Variants in MYO3A observed in about 807,000 individuals in gnomAD.
MYO3A encodes the protein myosin-IIIa.
A neutral mutation model predicts 192.7 loss-of-function variants in MYO3A; 180 were observed. That is an observed-to-expected ratio of 0.93 (90% CI 0.83 to 1.06). MYO3A has a LOEUF of 1.06. MYO3A is among the 50% of genes least tolerant of loss of function. MYO3A has a pLI of 0.00. For missense variants in MYO3A, 1,896 were observed against 1,905.0 expected, an observed-to-expected ratio of 1.00 and a Z score of 0.09; for synonymous variants, 628 against 645.3, an observed-to-expected ratio of 0.97 and a Z score of 0.41.
At chr10:26,018,125 G>A (rs11014910) in intron 7 of MYO3A, among the ~76,000 whole-genome samples, 15,359 of 151,704 alleles carry the variant, frequency 0.1, 1,425 homozygotes, top group African/African-American at 0.24. Context: ...TTAATATGCA[G>A]TTACTAGACA....
intron 9 of MYO3A, among the ~76,000 whole-genome samples, chr10:26,024,514 G>T (rs1421483384): frequency 6.6e-6 from 1 of 152,120 alleles, no homozygotes; most frequent in East Asian, 1.9e-4. Context: ...TCATCATGTT[G>T]TTAGCTGGTT....
At chr10:26,189,438 C>G (rs1303013463) in intron 31 of MYO3A, among the ~76,000 whole-genome samples, 1 of 152,138 alleles carries the variant, frequency 6.6e-6, no homozygotes, top group Non-Finnish European at 1.5e-5. Context: ...AAAGAGAGAT[C>G]ACTGGGGAGT....
intron 10 of MYO3A, among the ~76,000 whole-genome samples, chr10:26,040,696 G>A (rs976147790): frequency 2.0e-5 from 3 of 152,056 alleles, no homozygotes; most frequent in Non-Finnish European, 1.5e-5. Flanking sequence ...ATGTGTTTGT[G>A]TAGTTTCCAA....
intron 31 of MYO3A, among the ~76,000 whole-genome samples, chr10:26,187,103 A>G (rs1589102760): frequency 6.6e-6 from 1 of 152,188 alleles, no homozygotes; most frequent in East Asian, 1.9e-4. Flanking sequence ...TTAGCACTAC[A>G]TCTCTAAGCT....
intron 2 of MYO3A, among the ~76,000 whole-genome samples, chr10:25,951,272 A>C (rs1296515794): frequency 6.6e-6 from 1 of 152,184 alleles, no homozygotes; most frequent in Non-Finnish European, 1.5e-5. Context: ...TTAATTAATC[A>C]GTCAATCATT....
rs1840421132 is a variant in MYO3A at position 26,145,689 on chromosome 10, G to A, written c.2505+155G>A. ...ACTGGCCCTAATTATGCCCTCTGATGTCCTGTAATCCATCCTGTCCTTTGC... is the reference window on the plus strand; with the variant it reads ...ACTGGCCCTAATTATGCCCTCTGATATCCTGTAATCCATCCTGTCCTTTGC... On this transcript the variant is annotated intron_variant, in intron 22 of 34. Coordinates refer to ENST00000642920, the MANE Select transcript of MYO3A (RefSeq NM_017433.5). Among the ~76,000 whole-genome samples the A allele has an allele frequency of 2.0e-5, 3 of 152,218 alleles. No homozygotes were observed. In the South Asian group the frequency reaches 6.2e-4, roughly 32 times the overall value.
chr10:25,983,401 G>A (rs984731031), intron 4 of MYO3A, among the ~76,000 whole-genome samples: 11 of 151,744 alleles, frequency 7.2e-5, no homozygotes, highest in Admixed American at 2.6e-4. Flanking sequence ...GACTACAGGC[G>A]CCCGCCACCA....
At chr10:26,025,279 A>G (rs1050325176) in intron 9 of MYO3A, among the ~76,000 whole-genome samples, 4 of 152,058 alleles carry the variant, frequency 2.6e-5, no homozygotes, top group Non-Finnish European at 5.9e-5. Context: ...CCGATTAGAA[A>G]TGGCGCTACT....
intron 14 of MYO3A, among the ~76,000 whole-genome samples, chr10:26,073,125 G>A (rs189429063): frequency 1.4e-4 from 22 of 152,266 alleles, no homozygotes; most frequent in African/African-American, 5.1e-4. Context: ...TTGGGAAGCT[G>A]AAGTGGAAGG....
chr10:25,936,633 A>C (rs1403194220), intron 2 of MYO3A, among the ~76,000 whole-genome samples: 1 of 152,148 alleles, frequency 6.6e-6, no homozygotes, highest in East Asian at 1.9e-4. Context: ...ATCCCTTACT[A>C]CTTTGGCGAC....
chr10:26,130,376 T>C (rs1443778966), intron 20 of MYO3A, among the ~76,000 whole-genome samples: 1 of 152,174 alleles, frequency 6.6e-6, no homozygotes, highest in Non-Finnish European at 1.5e-5. Flanking sequence ...CTCCCAAAGT[T>C]CTGTGATTAC....
At chr10:26,145,337 A>G in intron 21 of MYO3A, 109 bp from the exon 22 acceptor site, 1 of 745,064 alleles carries the variant, frequency 1.3e-6, no homozygotes, top group Non-Finnish European at 2.4e-6. Context: ...TAGCTATGTA[A>G]AATTTTCTTT....
chr10:26,071,230 G>C (rs1254697049), intron 14 of MYO3A, among the ~76,000 whole-genome samples: 2 of 152,014 alleles, frequency 1.3e-5, no homozygotes, highest in Admixed American at 6.6e-5. Context: ...AAATAGTGAG[G>C]CTACTCATAT....
chr10:26,011,220 C>T (rs12780731), intron 6 of MYO3A, among the ~76,000 whole-genome samples: 14,345 of 152,014 alleles, frequency 0.094, 853 homozygotes, highest in Middle Eastern at 0.21. Flanking sequence ...CTTGAGCCAA[C>T]GAGTTCAAGA....
intron 26 of MYO3A, among the ~76,000 whole-genome samples, chr10:26,159,149 C>A (rs1290280304): frequency 6.6e-6 from 1 of 151,600 alleles, no homozygotes; most frequent in East Asian, 1.9e-4. Flanking sequence ...CGCCACCACG[C>A]CCGGCTAATT....
chr10:26,060,152 G>A (rs1465555619), intron 10 of MYO3A, among the ~76,000 whole-genome samples: 1 of 152,152 alleles, frequency 6.6e-6, no homozygotes, highest in African/African-American at 2.4e-5. Flanking sequence ...CCAGCTACTT[G>A]GGAGGCTGAG....
intron 4 of MYO3A, among the ~76,000 whole-genome samples, chr10:25,973,852 A>G (rs1838809854): frequency 6.6e-6 from 1 of 152,194 alleles, no homozygotes; most frequent in Non-Finnish European, 1.5e-5. Flanking sequence ...AGGATTCCCT[A>G]TTTAATAAAT....
chr10:26,073,129 T>C (rs2131404346), intron 14 of MYO3A, among the ~76,000 whole-genome samples: 1 of 151,846 alleles, frequency 6.6e-6, no homozygotes, highest in East Asian at 2.0e-4. Context: ...GAAGCTGAAG[T>C]GGAAGGATTG....
At chr10:26,008,870 A>G (rs1841420122) in intron 6 of MYO3A, among the ~76,000 whole-genome samples, 1 of 151,880 alleles carries the variant, frequency 6.6e-6, no homozygotes, top group Non-Finnish European at 1.5e-5. Flanking sequence ...CAGCCATCCC[A>G]TTACTGGGTA....
Sources: gnomAD v4.1 joint callset for allele counts (sites outside exome capture counted in the v4.1 genomes callset) on GRCh38, gnomAD v4.1.1 for gene constraint, MANE v1.5 for transcripts, NCBI Gene and HGNC (gene_info 2026-07-23, HGNC 2026-07-21) for gene names.